The following RPL15 variants were observed in gnomAD, a reference collection of about 807,000 sequenced individuals.
The protein encoded by RPL15 is large ribosomal subunit protein eL15.
For missense variants in RPL15, 161 were observed against 271.8 expected (o/e 0.59, Z 2.87); for synonymous variants, 97 against 95.1 (o/e 1.02, Z -0.12).
Position 23,919,525 on chromosome 3 carries a change from A to C in RPL15, c.*24A>C. On this transcript the variant is annotated 3_prime_UTR_variant, in exon 4 of 4. Transcript: ENST00000307839. ...AATATAAGTAAAGTTTGTAAAATTC[A>C]TACTTAATAAACAATTTAGGACAGT... is the stretch of plus-strand genomic sequence containing the variant. 1 of 1,526,916 alleles carries C rather than the reference A, an allele frequency of 6.5e-7. No homozygotes were observed. The highest frequency in any genetic ancestry group is 8.8e-7 in the Non-Finnish European group (1 of 1,141,200). The allele number at this position is 1,526,916 out of a possible 1,614,324, so 94.6% of individuals were successfully genotyped here. A position where few individuals can be genotyped will look rare whatever the true frequency, so the allele number is the denominator to read the frequency against.
At chr3:23,918,907 A>G in intron 3 of RPL15, 1 of 519,758 alleles carries the variant, frequency 1.9e-6, no homozygotes, top group East Asian at 3.2e-5. Context: ...GGAAAAAGAT[A>G]AGGTCCCCAA....
chr3:23,920,577 T>C lies in RPL15; in HGVS notation c.*1076T>C. On this transcript the variant is annotated 3_prime_UTR_variant, in exon 4 of 4. Coordinates refer to ENST00000307839, the MANE Select transcript of RPL15 (RefSeq NM_002948.5). ...CTGTTGTCCAGGGTCAATTTGAGTG[T>C]AAAGAAAATGTAGACAAGGAATTGC... The C allele has an allele frequency of 3.0e-6, 3 of 985,294 alleles. No individual in the cohort carries two copies. The highest frequency in any genetic ancestry group is 3.6e-6 in the Non-Finnish European group (3 of 829,824). The allele number at this position is 985,294 out of a possible 1,614,324, so 61.0% of individuals were successfully genotyped here.
chr3:23,920,719 A>G lies in RPL15; in HGVS notation c.*1218A>G. 1.0e-6 allele frequency: 1 copy of G among 982,400 alleles called. No individual in the cohort carries two copies. The highest frequency in any genetic ancestry group is 1.2e-6 in the Non-Finnish European group (1 of 828,782). The allele number at this position is 982,400 out of a possible 1,614,324, so 60.9% of individuals were successfully genotyped here. On this transcript the variant is annotated 3_prime_UTR_variant, in exon 4 of 4. Coordinates refer to ENST00000307839, the MANE Select transcript of RPL15 (RefSeq NM_002948.5). ...GTTAATTGATTTCCAGGAAGTACTCATAGCAAGTTCATAAAAGTTCTTGAG... is the reference window on the plus strand; with the variant it reads ...GTTAATTGATTTCCAGGAAGTACTCGTAGCAAGTTCATAAAAGTTCTTGAG...
In RPL15 at chr3:23,919,890, C is replaced by A; in HGVS notation, c.*389C>A. On this transcript the variant is annotated 3_prime_UTR_variant, in exon 4 of 4. Coordinates refer to ENST00000307839, the MANE Select transcript of RPL15 (RefSeq NM_002948.5). Reference sequence around the variant, plus strand: ...CTGCTGGTTTATTTTCAAGTGGCTGCGTTTTTTTTAGTTTGGCAGGTGTAG... The same window carrying A: ...CTGCTGGTTTATTTTCAAGTGGCTGAGTTTTTTTTAGTTTGGCAGGTGTAG... The A allele has an allele frequency of 1.0e-6, 1 of 994,488 alleles. No homozygotes were observed. Among genetic ancestry groups the A allele is most frequent in the Non-Finnish European group, 1.2e-6 (1 of 836,064 alleles). The allele number at this position is 994,488 out of a possible 1,614,324, so 61.6% of individuals were successfully genotyped here.
rs758933020 is a variant in RPL15, at chr3:23,918,516, G to A, written c.249G>A (p.Lys83=). 1.2e-6 allele frequency: 2 copies of A among 1,613,862 alleles called. No individual in the cohort carries two copies. Among genetic ancestry groups the A allele is most frequent in the East Asian group, 2.2e-5 (1 of 44,898 alleles). The change falls in exon 3 of 4, where the codon AAG becomes AAA. Residue 83 remains lysine (K), a synonymous_variant. Coordinates refer to ENST00000307839, the MANE Select transcript of RPL15 (RefSeq NM_002948.5). Reference sequence around the variant, plus strand: ...TTCCTAAGGGTGCAACTTACGGCAAGCCTGTCCATCATGGTGTTAACCAGC... The same window carrying A: ...TTCCTAAGGGTGCAACTTACGGCAAACCTGTCCATCATGGTGTTAACCAGC... ...RPVPKGATYG[K]PVHHGVNQLK...
At chr3:23,923,676 A>G (rs1705155764), downstream of RPL15, 1 of 152,254 alleles carries the variant, frequency 6.6e-6, no homozygotes, top group East Asian at 1.9e-4. Context: ...TCATCTGTAG[A>G]ATAAATTCTT....
Position 23,919,328 on chromosome 3 carries a change from A to C in RPL15, c.442A>C (p.Thr148Pro). 1 of 1,603,310 alleles carries C rather than the reference A, an allele frequency of 6.2e-7. No homozygotes were observed. Among genetic ancestry groups the C allele is most frequent in the South Asian group, 1.1e-5 (1 of 91,044 alleles). Residue 148 changes from threonine (T) to proline (P), a missense_variant, in exon 4 of 4, where the codon ACC becomes CCC. Coordinates refer to ENST00000307839, the MANE Select transcript of RPL15 (RefSeq NM_002948.5). ...TAAAGCTATCAGAAGAAATCCTGAC[A>C]CCCAGTGGATCACCAAACCAGTCCA... ...FHKAIRRNPD[T>P]QWITKPVHKH...
upstream of RPL15, chr3:23,917,006 C>G (rs534173440): frequency 2.6e-5 from 4 of 152,744 alleles, no homozygotes; most frequent in Middle Eastern, 3.4e-3. Flanking sequence ...CCGCGGCGCC[C>G]CACTCGGCAG....
At chr3:23,916,585 G>A (rs1353888531), upstream of RPL15, 1 of 152,302 alleles carries the variant, frequency 6.6e-6, no homozygotes, top group African/African-American at 2.4e-5. Flanking sequence ...GGGACACAGC[G>A]AGCGCCCCGA....
At chr3:23,917,096 G>T (rs762865148), upstream of RPL15, 2 of 152,548 alleles carry the variant, frequency 1.3e-5, no homozygotes, top group Non-Finnish European at 2.9e-5. Flanking sequence ...CGGAAAGAGG[G>T]TGGCTGAGGT....
chr3:23,918,362 G>C, intron 2 of RPL15, 78 bp from the exon 3 acceptor site: 1 of 1,488,396 alleles, frequency 6.7e-7, no homozygotes. Context: ...TTTTGGTGGA[G>C]TATTAGTGAC....
downstream of RPL15, chr3:23,923,135 G>A (rs901413261): frequency 2.6e-5 from 4 of 151,832 alleles, no homozygotes; most frequent in African/African-American, 9.7e-5. Context: ...TCTTCCCCAA[G>A]TGGTAGGATA....
rs746395128 is a variant in RPL15 at position 23,918,041 on chromosome 3, C to G, written c.172+10C>G. ...TACAAGGCCAAGCAAGGTACGTGAT[C>G]GACTGCGTGGATGCTTGGATAAAAT... On this transcript the variant is annotated intron_variant, in intron 2 of 3. Coordinates refer to ENST00000307839, the MANE Select transcript of RPL15 (RefSeq NM_002948.5). The G allele has an allele frequency of 3.7e-6, 6 of 1,603,350 alleles. No individual in the cohort carries two copies. In the South Asian group the frequency reaches 5.6e-5, roughly 15 times the overall value.
rs534653515 is a variant in RPL15 at position 23,919,747 on chromosome 3, A to G, written c.*246A>G. On this transcript the variant is annotated 3_prime_UTR_variant, in exon 4 of 4. Coordinates refer to ENST00000307839, the MANE Select transcript of RPL15 (RefSeq NM_002948.5). ...AGTTGTATGTCAGTGTATAAAACAT[A>G]CTGTGTGGTATAACAGGCTTAATAA... The G allele has an allele frequency of 4.9e-5, 63 of 1,281,866 alleles. 1 individual carries two copies. The South Asian group carries it at 1.5e-3, about 30-fold the overall frequency. 79.4% of individuals were successfully genotyped at this position (1,281,866 alleles called of 1,614,324 possible).
downstream of RPL15, chr3:23,921,724 A>T: frequency 1.6e-6 from 1 of 638,774 alleles, no homozygotes. Context: ...ACAGGCGCAC[A>T]CTGCCATGCC....
At chr3:23,922,914 C>T (rs1705136435), downstream of RPL15, 1 of 152,220 alleles carries the variant, frequency 6.6e-6, no homozygotes, top group Admixed American at 6.5e-5. This position sits in a 1 kb window ranked among gnomAD's most constrained non-coding sequence, Gnocchi z 4.2. Flanking sequence ...AGCAATCCTC[C>T]CACCTCAGCC....
chr3:23,921,183 G>C (rs143666828), downstream of RPL15, among the ~76,000 whole-genome samples: 1 of 152,078 alleles, frequency 6.6e-6, no homozygotes, highest in Non-Finnish European at 1.5e-5. Context: ...GAAAGGGTTC[G>C]GGCCAAAGGT....
Position 23,920,664 on chromosome 3 carries a change from C to T in RPL15, c.*1163C>T. ...ATGCTCGTTCTGAACCAATTTTCTC[C>T]TATCTTCTCTAGGGGTTTCAAAAGA... On this transcript the variant is annotated 3_prime_UTR_variant, in exon 4 of 4. Transcript: ENST00000307839. 8 of 985,184 alleles carry T rather than the reference C, an allele frequency of 8.1e-6. No individual in the cohort carries two copies. Among genetic ancestry groups the T allele is most frequent in the Non-Finnish European group, 9.6e-6 (8 of 829,750 alleles). The allele number at this position is 985,184 out of a possible 1,614,324, so 61.0% of individuals were successfully genotyped here. A position where few individuals can be genotyped will look rare whatever the true frequency, so the allele number is the denominator to read the frequency against.
At chr3:23,921,201 GTC>G (rs1049728481), downstream of RPL15, among the ~76,000 whole-genome samples, 2 of 152,284 alleles carry the variant, frequency 1.3e-5, no homozygotes, top group South Asian at 2.1e-4. Context: ...GGTCAGCATT[GTC>G]TCTACAAGAA....
Sources: gnomAD v4.1 joint callset for allele counts (sites outside exome capture counted in the v4.1 genomes callset) on GRCh38, gnomAD v4.1.1 for gene constraint, Gnocchi (gnomAD v3.1) non-coding constraint, MANE v1.5 for transcripts, NCBI Gene and HGNC (gene_info 2026-07-23, HGNC 2026-07-21) for gene names.